Variants in ADAMTSL1 observed in about 807,000 individuals in gnomAD.
ADAMTSL1 encodes ADAMTS-like protein 1.
A neutral mutation model predicts 201.8 loss-of-function variants in ADAMTSL1; 126 were observed. The observed-to-expected ratio is 0.62, with a 90% confidence interval of 0.54 to 0.72. The LOEUF (loss-of-function observed/expected upper bound fraction) is 0.72. ADAMTSL1 is among the 30% of genes least tolerant of loss of function. The pLI, the probability that ADAMTSL1 is intolerant of heterozygous loss-of-function variation, is 0.00. For missense variants in ADAMTSL1, 2,679 were observed against 2,277.8 expected (o/e 1.18, Z -3.59); for synonymous variants, 1,121 against 903.4 (o/e 1.24, Z -4.32).
chr9:17,960,284 A>G (rs1817689387), intron 1 of ADAMTSL1, among the ~76,000 whole-genome samples: 2 of 152,214 alleles, frequency 1.3e-5, no homozygotes, highest in South Asian at 2.1e-4. Flanking sequence ...GTCTGCTTGC[A>G]TCTTATTGAG....
intron 1 of ADAMTSL1, among the ~76,000 whole-genome samples, chr9:17,969,442 T>C (rs1818115395): frequency 6.6e-6 from 1 of 152,054 alleles, no homozygotes; most frequent in African/African-American, 2.4e-5. Context: ...GTCAGACACA[T>C]CATTTAGCCA....
chr9:18,706,847 G>A lies in ADAMTSL1; in HGVS notation c.1675G>A (p.Val559Met), dbSNP rs141566996. 3.0e-4 allele frequency: 482 copies of A among 1,613,008 alleles called. No homozygotes were observed. In the African/African-American group the frequency reaches 4.6e-3, roughly 15 times the overall value. The stretch of plus-strand genomic sequence containing the variant: ...GGTGCTCCTGTCTTTCTCTCAGTCC[G>A]TGGCTGACCTGCCTATTGACGAGTG... ...CQVLLSFSQS[V>M]ADLPIDECEG... Residue 559 changes from valine (V) to methionine (M), a missense_variant, in exon 14 of 29, where the codon GTG becomes ATG. Transcript: ENST00000380548.
chr9:18,407,569 A>G (rs1818260455), intron 2 of ADAMTSL1, among the ~76,000 whole-genome samples: 1 of 152,194 alleles, frequency 6.6e-6, no homozygotes, highest in Admixed American at 6.5e-5. Context: ...ATGTTTTGGC[A>G]ATTAATGGAA....
At chr9:18,254,628 GC>G (rs1206929202) in intron 2 of ADAMTSL1, among the ~76,000 whole-genome samples, 1 of 151,526 alleles carries the variant, frequency 6.6e-6, no homozygotes, top group Non-Finnish European at 1.5e-5. Flanking sequence ...CTCCCAAAGT[GC>G]TGGGATTACA....
chr9:18,512,398 A>T (rs954845804), intron 2 of ADAMTSL1, among the ~76,000 whole-genome samples: 1 of 152,136 alleles, frequency 6.6e-6, no homozygotes, highest in Non-Finnish European at 1.5e-5. Context: ...TTTACTTGCC[A>T]TATCAGGAAT....
At chr9:18,674,606 A>G (rs1282339211) in intron 9 of ADAMTSL1, among the ~76,000 whole-genome samples, 2 of 152,066 alleles carry the variant, frequency 1.3e-5, no homozygotes, top group Non-Finnish European at 2.9e-5. Flanking sequence ...ATCATCTTAT[A>G]TCAGAGGAAT....
intron 2 of ADAMTSL1, among the ~76,000 whole-genome samples, chr9:18,169,143 G>A (rs1447525508): frequency 2.0e-5 from 3 of 149,500 alleles, no homozygotes; most frequent in African/African-American, 7.4e-5. Flanking sequence ...GATCCCATTT[G>A]TCAATTTTGG....
chr9:17,987,226 T>C (rs1375233184), intron 1 of ADAMTSL1, among the ~76,000 whole-genome samples: 1 of 152,106 alleles, frequency 6.6e-6, no homozygotes, highest in Non-Finnish European at 1.5e-5. Flanking sequence ...GAACACAACC[T>C]GGTATTACTA....
intron 1 of ADAMTSL1, among the ~76,000 whole-genome samples, chr9:18,484,872 G>A (rs937817005): frequency 6.6e-6 from 1 of 152,132 alleles, no homozygotes; most frequent in African/African-American, 2.4e-5. Context: ...AAAAAATAAG[G>A]CTGGTTGGCA....
chr9:18,300,119 C>T (rs1833644277), intron 2 of ADAMTSL1, among the ~76,000 whole-genome samples: 1 of 151,932 alleles, frequency 6.6e-6, no homozygotes, highest in African/African-American at 2.4e-5. Flanking sequence ...GGGTATATAC[C>T]CAAAGGATTA....
intron 2 of ADAMTSL1, among the ~76,000 whole-genome samples, chr9:18,242,376 C>A (rs1198242688): frequency 6.6e-6 from 1 of 152,006 alleles, no homozygotes; most frequent in Non-Finnish European, 1.5e-5. Context: ...ATAATAAAGG[C>A]CATTTGGAAA....
chr9:17,978,680 C>G (rs778255113), intron 1 of ADAMTSL1, among the ~76,000 whole-genome samples: 3 of 152,000 alleles, frequency 2.0e-5, no homozygotes, highest in Non-Finnish European at 2.9e-5. Context: ...GTCTTTTAAT[C>G]TTTATATCAG....
At chr9:18,206,642 G>C (rs1829659318) in intron 2 of ADAMTSL1, among the ~76,000 whole-genome samples, 1 of 152,094 alleles carries the variant, frequency 6.6e-6, no homozygotes, top group African/African-American at 2.4e-5. Context: ...TAAGCTCTCT[G>C]TAAGCTGTTT....
intron 2 of ADAMTSL1, among the ~76,000 whole-genome samples, chr9:18,347,803 A>T (rs950725218): frequency 6.6e-6 from 1 of 152,128 alleles, no homozygotes; most frequent in African/African-American, 2.4e-5. Flanking sequence ...TGTTTCAAGC[A>T]CTGCTTTGTT....
At chr9:18,829,764 A>C (rs1824856919) in intron 22 of ADAMTSL1, 79 bp from the exon 23 acceptor site, 2 of 1,572,750 alleles carry the variant, frequency 1.3e-6, no homozygotes, top group Non-Finnish European at 1.7e-6. Context: ...GTGCACACAC[A>C]TGCATACCCA....
intron 1 of ADAMTSL1, among the ~76,000 whole-genome samples, chr9:18,000,277 AC>A (rs150887556): frequency 0.045 from 6,799 of 151,842 alleles, 500 homozygotes; most frequent in African/African-American, 0.16. Context: ...TTGTTTCCTG[AC>A]TTTTTAATGA....
intron 2 of ADAMTSL1, among the ~76,000 whole-genome samples, chr9:18,194,778 T>C (rs1354256318): frequency 6.6e-6 from 1 of 152,112 alleles, no homozygotes; most frequent in Middle Eastern, 3.4e-3. Context: ...TTTTTCCTCC[T>C]CCTTCCCTCA....
At chr9:18,464,912 C>A (rs1469103955) in intron 2 of ADAMTSL1, among the ~76,000 whole-genome samples, 1 of 152,162 alleles carries the variant, frequency 6.6e-6, no homozygotes, top group African/African-American at 2.4e-5. Context: ...TTCTTCTGAG[C>A]TTCCTAGTAG....
In ADAMTSL1 at chr9:18,748,742, G is replaced by A. The variant is rs1010361841; in HGVS notation, c.2007-4556G>A. ...CTACTGAACATCTGCCAGGTCCCAG[G>A]CACCATGCTCAACACTGAGGTTCTG... On this transcript the variant is annotated intron_variant, in intron 15 of 28. Transcript: ENST00000380548. Among the ~76,000 whole-genome samples, 23 of 152,248 alleles carry A rather than the reference G, an allele frequency of 1.5e-4. 1 individual carries two copies. The South Asian group carries it at 4.4e-3, about 29-fold the overall frequency.
Sources: gnomAD v4.1 joint callset for allele counts (sites outside exome capture counted in the v4.1 genomes callset) on GRCh38, gnomAD v4.1.1 for gene constraint, MANE v1.5 for transcripts, NCBI Gene and HGNC (gene_info 2026-07-23, HGNC 2026-07-21) for gene names.